Variants in HUNK observed in about 807,000 individuals in gnomAD.
HUNK encodes hormonally up-regulated Neu-associated kinase.
HUNK carries 21 observed loss-of-function variants against 61.0 expected under a neutral mutation model. The observed-to-expected ratio is 0.34, with a 90% CI of 0.24 to 0.50. The LOEUF is 0.50. Among genes scored for constraint, HUNK ranks in the 20% least tolerant of loss-of-function variants. HUNK has a pLI of 0.98. For missense variants in HUNK, 772 were observed against 945.7 expected (o/e 0.82, Z 2.41); for synonymous variants, 371 against 386.1 (o/e 0.96, Z 0.46).
Position 31,873,513 on chromosome 21 carries a change from C to T in HUNK, c.-162C>T. 2.3e-6 allele frequency: 1 copy of T among 429,096 alleles called. No homozygotes were observed. Among genetic ancestry groups the T allele is most frequent in the Non-Finnish European group, 3.1e-6 (1 of 321,296 alleles). 26.6% of individuals were successfully genotyped at this position (429,096 alleles called of 1,614,324 possible). ...TGTCTACGCGCCTCGCTGGGCGGCG[C>T]GGGGGGCGTGATCGCGGCGGCCCCG... On this transcript the variant is annotated 5_prime_UTR_variant, in exon 1 of 11. Coordinates refer to ENST00000270112, the MANE Select transcript of HUNK (RefSeq NM_014586.2). This position sits in a 1 kb window ranked among gnomAD's most constrained non-coding sequence, Gnocchi z 6.1.
intron 2 of HUNK, among the ~76,000 whole-genome samples, chr21:31,931,673 T>C (rs1054701721): frequency 2.0e-5 from 3 of 152,060 alleles, no homozygotes; most frequent in African/African-American, 7.2e-5. Flanking sequence ...TCACTCGGGG[T>C]GTTCACTGGT....
In HUNK at chr21:31,999,055, A is replaced by C; in HGVS notation, c.2016A>C (p.Leu672Phe). 1 of 1,614,216 alleles carries C rather than the reference A, an allele frequency of 6.2e-7. No homozygotes were observed. Among genetic ancestry groups the C allele is most frequent in the Non-Finnish European group, 8.5e-7 (1 of 1,180,042 alleles). The part of the protein sequence containing the change: ...RFPMMGIGQM[L>F]RKRHQSLQPS... ...CTATGATGGGCATCGGACAGATGTT[A>C]AGGAAGCGCCATCAGAGTCTGCAGC... The change falls in exon 11 of 11, where the codon TTA becomes TTC. Residue 672 changes from leucine (L) to phenylalanine (F), a missense_variant. This residue lies in a region of HUNK where 413 missense variants were observed against 444.4 expected (regional missense o/e 0.93). Transcript: ENST00000270112.
At chr21:31,982,946 G>A (rs769582527) in intron 7 of HUNK, among the ~76,000 whole-genome samples, 6 of 152,166 alleles carry the variant, frequency 3.9e-5, no homozygotes, top group Non-Finnish European at 2.9e-5. Context: ...TGGGACTACA[G>A]GCGTGTGCCA....
intron 2 of HUNK, among the ~76,000 whole-genome samples, chr21:31,930,145 T>G (rs1601383723): frequency 6.6e-6 from 1 of 152,250 alleles, no homozygotes; most frequent in East Asian, 1.9e-4. Flanking sequence ...TGCGAAAGCC[T>G]GACCCCCTTG....
intron 1 of HUNK, among the ~76,000 whole-genome samples, chr21:31,878,624 A>G (rs901057715): frequency 1.3e-5 from 2 of 152,188 alleles, no homozygotes; most frequent in African/African-American, 4.8e-5. Context: ...AGTCCCAGCT[A>G]CTTGGGTGGC....
At chr21:31,949,557 A>G (rs1277220541) in intron 4 of HUNK, among the ~76,000 whole-genome samples, 1 of 151,350 alleles carries the variant, frequency 6.6e-6, no homozygotes, top group Non-Finnish European at 1.5e-5. Flanking sequence ...ATGGGAAGCT[A>G]TGAGAGGAAG....
intron 1 of HUNK, among the ~76,000 whole-genome samples, chr21:31,917,015 C>G (rs190339827): frequency 1.6e-4 from 25 of 152,176 alleles, no homozygotes; most frequent in Admixed American, 1.5e-3. Context: ...TCTTGTATTT[C>G]GTTATCTCTG....
At chr21:31,887,988 C>T (rs113941575) in intron 1 of HUNK, among the ~76,000 whole-genome samples, 14 of 151,810 alleles carry the variant, frequency 9.2e-5, no homozygotes, top group African/African-American at 3.1e-4. Flanking sequence ...GATCTCGTAC[C>T]ATCTGCTGGG....
chr21:31,977,502 T>A (rs952329205), intron 7 of HUNK, among the ~76,000 whole-genome samples: 3 of 152,222 alleles, frequency 2.0e-5, no homozygotes, highest in African/African-American at 7.2e-5. Context: ...ATTTTTCTTT[T>A]GGTGGAACTA....
rs138237364 is a variant in HUNK at position 31,950,032 on chromosome 21, C to T, written c.746+3861C>T. On this transcript the variant is annotated intron_variant, in intron 4 of 10. Coordinates refer to ENST00000270112, the MANE Select transcript of HUNK (RefSeq NM_014586.2). ...ACACAGCCAGCGTGTGACAGAGCCA[C>T]GATTTGACCTACGTGGTTTGCCCTA... Among the ~76,000 whole-genome samples the T allele has an allele frequency of 1.6e-3, 243 of 152,300 alleles. 1 individual carries two copies. The highest frequency in any genetic ancestry group is 5.5e-3 in the African/African-American group (230 of 41,574).
chr21:31,882,042 G>A (rs1196113765), intron 1 of HUNK, among the ~76,000 whole-genome samples: 1 of 152,110 alleles, frequency 6.6e-6, no homozygotes, highest in African/African-American at 2.4e-5. Flanking sequence ...TTCAGAGACG[G>A]TGGCACTTTC....
At chr21:31,962,202 G>C (rs575812527) in intron 5 of HUNK, among the ~76,000 whole-genome samples, 1 of 152,200 alleles carries the variant, frequency 6.6e-6, no homozygotes, top group African/African-American at 2.4e-5. Flanking sequence ...AAAGAGAATG[G>C]GGCAGTGCAA....
At position 31,873,791 on chromosome 21, in the gene HUNK, C is replaced by T. The variant is rs1292794341; in HGVS notation, c.117C>T (p.Ala39=). Residue 39 remains alanine (A), a synonymous_variant, in exon 1 of 11, where the codon GCC becomes GCT. Coordinates refer to ENST00000270112, the MANE Select transcript of HUNK (RefSeq NM_014586.2). The surrounding 1 kb of genome is among the most constrained non-coding windows in gnomAD (Gnocchi z 6.1). ...AAACEGSFLP[A]WVSGVPRERL... is the part of the protein sequence containing the mutation. ...CCTGCGAGGGAAGTTTCCTGCCTGCCTGGGTGAGCGGCGTGCCCCGCGAGC... is the reference window on the plus strand; with the variant it reads ...CCTGCGAGGGAAGTTTCCTGCCTGCTTGGGTGAGCGGCGTGCCCCGCGAGC... The T allele has an allele frequency of 1.3e-6, 2 of 1,549,284 alleles. No individual in the cohort carries two copies. The highest frequency in any genetic ancestry group is 1.8e-5 in the Admixed American group (1 of 54,514).
chr21:31,875,916 C>T (rs777771149), intron 1 of HUNK, among the ~76,000 whole-genome samples: 1 of 152,158 alleles, frequency 6.6e-6, no homozygotes, highest in African/African-American at 2.4e-5. Context: ...CGCATTTTTG[C>T]ACCATAAAAC....
chr21:31,909,318 G>A (rs1045098397), intron 1 of HUNK, among the ~76,000 whole-genome samples: 2 of 152,168 alleles, frequency 1.3e-5, no homozygotes, highest in East Asian at 1.9e-4. Flanking sequence ...AGCAGGATAC[G>A]TTTCCAGGGT....
At chr21:31,987,860 A>C (rs1247203308) in intron 8 of HUNK, among the ~76,000 whole-genome samples, 2 of 152,188 alleles carry the variant, frequency 1.3e-5, no homozygotes, top group Non-Finnish European at 2.9e-5. Context: ...TCCGCACCAC[A>C]TGGCAGGGGG....
In HUNK at chr21:31,949,840, G is replaced by A. The variant is rs1440260570; in HGVS notation, c.746+3669G>A. On this transcript the variant is annotated intron_variant, in intron 4 of 10. Coordinates refer to ENST00000270112, the MANE Select transcript of HUNK (RefSeq NM_014586.2). ...GGACCAGTGTGTGCAGAGATCACAT[G>A]GTGGGAGAGGAAGCAAGAGAGAGGG... Among the ~76,000 whole-genome samples, 6 of 152,298 alleles carry A rather than the reference G, an allele frequency of 3.9e-5. No individual in the cohort carries two copies. The South Asian group carries it at 1.2e-3, about 32-fold the overall frequency.
At chr21:31,909,898 C>T (rs1339032871) in intron 1 of HUNK, among the ~76,000 whole-genome samples, 1 of 152,194 alleles carries the variant, frequency 6.6e-6, no homozygotes, top group Non-Finnish European at 1.5e-5. Flanking sequence ...TCATGCTAAT[C>T]ACCACAGTTT....
At chr21:31,981,581 G>A (rs2053097799) in intron 7 of HUNK, among the ~76,000 whole-genome samples, 1 of 151,896 alleles carries the variant, frequency 6.6e-6, no homozygotes, top group African/African-American at 2.4e-5. Flanking sequence ...CACTTCCTTG[G>A]TTACATTTAT....
Sources: gnomAD v4.1 joint callset for allele counts (sites outside exome capture counted in the v4.1 genomes callset) on GRCh38, gnomAD v4.1.1 for gene constraint, gnomAD v4.1.1 regional missense constraint, Gnocchi (gnomAD v3.1) non-coding constraint, MANE v1.5 for transcripts, NCBI Gene and HGNC (gene_info 2026-07-23, HGNC 2026-07-21) for gene names.